Variants in PREX2 observed in about 807,000 individuals in gnomAD.
The protein encoded by PREX2 is phosphatidylinositol-3,4,5-trisphosphate dependent Rac exchange factor 2.
A neutral mutation model predicts 203.2 loss-of-function variants in PREX2; 107 were observed. The ratio of observed to expected loss-of-function variants is 0.53; its 90% CI spans 0.45 to 0.62. PREX2 has a LOEUF of 0.62. Ranked by LOEUF, PREX2 falls within the 20% of genes least tolerant of loss-of-function variation. The pLI, the probability that PREX2 is intolerant of heterozygous loss-of-function variation, is 0.00. For missense variants in PREX2, 1,777 were observed against 1,955.9 expected, an observed-to-expected ratio of 0.91 and a Z score of 1.72; for synonymous variants, 672 against 663.6, an observed-to-expected ratio of 1.01 and a Z score of -0.19.
chr8:68,008,694 A>G (rs1320298713), intron 1 of PREX2, among the ~76,000 whole-genome samples: 1 of 152,158 alleles, frequency 6.6e-6, no homozygotes, highest in African/African-American at 2.4e-5. Flanking sequence ...GTGAGAGGTG[A>G]TAGAATCATG....
chr8:68,050,988 C>T lies in PREX2; in HGVS notation c.944-2109C>T, dbSNP rs142566582. On this transcript the variant is annotated intron_variant, in intron 8 of 39. Transcript: ENST00000288368. ...GTTATTTTGGGAAGAATCTTTAAAG[C>T]GAAGTCTACATGTAGTTTTGACTTG... Among the ~76,000 whole-genome samples the T allele has an allele frequency of 3.4e-3, 519 of 152,170 alleles. 4 individuals are homozygous for T. Among genetic ancestry groups the T allele is most frequent in the African/African-American group, 0.012 (503 of 41,530 alleles).
At chr8:68,046,301 A>G (rs939418445) in intron 8 of PREX2, among the ~76,000 whole-genome samples, 2 of 152,020 alleles carry the variant, frequency 1.3e-5, no homozygotes, top group Admixed American at 1.3e-4. Flanking sequence ...TACTATGATT[A>G]CTGTGCTTTT....
At chr8:68,057,538 G>T (rs1319895545) in intron 10 of PREX2, among the ~76,000 whole-genome samples, 1 of 152,212 alleles carries the variant, frequency 6.6e-6, no homozygotes, top group Non-Finnish European at 1.5e-5. Context: ...ACATCTGCCA[G>T]TGAGCTATAC....
At chr8:68,123,948 C>T (rs2129613185) in intron 30 of PREX2, among the ~76,000 whole-genome samples, 1 of 152,114 alleles carries the variant, frequency 6.6e-6, no homozygotes, top group Admixed American at 6.6e-5. Flanking sequence ...CAAAAACTGG[C>T]AGAGATACAA....
chr8:68,058,055 C>A (rs1256432898), intron 10 of PREX2, among the ~76,000 whole-genome samples: 1 of 152,214 alleles, frequency 6.6e-6, no homozygotes, highest in South Asian at 2.1e-4. Context: ...TAACAGCACA[C>A]TACTGCCGCT....
rs777689905 is a variant in PREX2 at position 68,027,334 on chromosome 8, T to C, written c.543+11T>C. 1.4e-6 allele frequency: 2 copies of C among 1,478,804 alleles called. No individual in the cohort carries two copies. The highest frequency in any genetic ancestry group is 2.3e-5 in the South Asian group (2 of 87,752). The allele number at this position is 1,478,804 out of a possible 1,614,324, so 91.6% of individuals were successfully genotyped here. A position where few individuals can be genotyped will look rare whatever the true frequency, so the allele number is the denominator to read the frequency against. ...CCTCTTATTTTGAAGGTATTTTATGTGCTACCTCATTGTAGCCATTTTCTT... is the reference window on the plus strand; with the variant it reads ...CCTCTTATTTTGAAGGTATTTTATGCGCTACCTCATTGTAGCCATTTTCTT... On this transcript the variant is annotated intron_variant, in intron 5 of 39. Coordinates refer to ENST00000288368, the MANE Select transcript of PREX2 (RefSeq NM_024870.4).
rs567161970 is a variant in PREX2, at chr8:68,004,366, T to C, written c.142-13480T>C. On this transcript the variant is annotated intron_variant, in intron 1 of 39. Transcript: ENST00000288368. ...CTATTTATGATAGAAAAAGTAAGTTTGAATGGTGACCTTCATTATTCTCTC... is the reference window on the plus strand; with the variant it reads ...CTATTTATGATAGAAAAAGTAAGTTCGAATGGTGACCTTCATTATTCTCTC... 1.5e-3 allele frequency among the ~76,000 whole-genome samples: 225 copies of C among 152,360 alleles called. 1 individual carries two copies. The highest frequency in any genetic ancestry group is 5.1e-3 in the African/African-American group (213 of 41,588).
intron 8 of PREX2, among the ~76,000 whole-genome samples, chr8:68,045,570 T>C (rs1808326771): frequency 6.6e-6 from 1 of 152,066 alleles, no homozygotes; most frequent in South Asian, 2.1e-4. Flanking sequence ...CTTAAAATAA[T>C]GAACTGTGAT....
intron 37 of PREX2, among the ~76,000 whole-genome samples, chr8:68,197,731 A>G (rs1812426090): frequency 6.7e-6 from 1 of 148,486 alleles, no homozygotes; most frequent in Non-Finnish European, 1.5e-5. Context: ...TGCTATATAT[A>G]CATAATATAT....
chr8:68,188,252 C>G (rs999302855), intron 35 of PREX2, among the ~76,000 whole-genome samples: 4 of 152,018 alleles, frequency 2.6e-5, no homozygotes, highest in African/African-American at 9.7e-5. Flanking sequence ...TGATCCTGGG[C>G]ACAAAACCAT....
chr8:68,096,720 T>A (rs1411847848), intron 21 of PREX2, among the ~76,000 whole-genome samples: 1 of 152,098 alleles, frequency 6.6e-6, no homozygotes, highest in Admixed American at 6.6e-5. Flanking sequence ...TAAAAAAAAT[T>A]TAGGTATAGT....
At position 68,093,725 on chromosome 8, in the gene PREX2, A is replaced by G. The variant is rs780345893; in HGVS notation, c.2368+3A>G. On this transcript the variant is annotated splice_donor_region_variant and intron_variant, in intron 21 of 39. Transcript: ENST00000288368. ...TGCTTTTGACTGTAAAGTAGAAGGT[A>G]GGTTTCTTATTTTCTTCTTCATGTG... The G allele has an allele frequency of 1.3e-5, 19 of 1,482,850 alleles. No individual in the cohort carries two copies. The Admixed American group carries it at 2.3e-4, about 18-fold the overall frequency. 91.9% of individuals were successfully genotyped at this position (1,482,850 alleles called of 1,614,324 possible).
intron 14 of PREX2, among the ~76,000 whole-genome samples, 161 bp downstream of exon 14, chr8:68,072,731 C>A (rs891300141): frequency 6.6e-6 from 1 of 152,138 alleles, no homozygotes; most frequent in Admixed American, 6.5e-5. Flanking sequence ...CCTAGATGAT[C>A]AATTTTAGAG....
At chr8:68,212,174 C>G (rs1192354699) in intron 37 of PREX2, among the ~76,000 whole-genome samples, 1 of 152,136 alleles carries the variant, frequency 6.6e-6, no homozygotes, top group Non-Finnish European at 1.5e-5. Flanking sequence ...CAGACTGAAC[C>G]AGCATTAACC....
In PREX2 at chr8:67,970,030, G is replaced by T. The variant is rs117276378; in HGVS notation, c.141+17495G>T. On this transcript the variant is annotated intron_variant, in intron 1 of 39. Transcript: ENST00000288368. ...GTACCTTCCATATTTTTTCCTCTTG[G>T]TTGTTTATGCTGTAGTTATAATCTG... Among the ~76,000 whole-genome samples, 17 of 152,100 alleles carry T rather than the reference G, an allele frequency of 1.1e-4. No individual in the cohort carries two copies. In the East Asian group the frequency reaches 3.1e-3, roughly 28 times the overall value.
At chr8:67,972,570 C>G (rs1161612344) in intron 1 of PREX2, among the ~76,000 whole-genome samples, 1 of 152,198 alleles carries the variant, frequency 6.6e-6, no homozygotes. Context: ...AACCATACCT[C>G]TTAGTTCTGT....
At chr8:68,215,574 G>A (rs538854172) in intron 37 of PREX2, among the ~76,000 whole-genome samples, 17 of 151,590 alleles carry the variant, frequency 1.1e-4, no homozygotes, top group East Asian at 1.9e-4. Context: ...TCTCGCTGTC[G>A]CCCAGGCTTG....
chr8:68,027,377 T>C, intron 5 of PREX2, 54 bp downstream of exon 5: 2 of 1,108,556 alleles, frequency 1.8e-6, no homozygotes, highest in Admixed American at 3.6e-5. Flanking sequence ...CATATTTTGC[T>C]GATGATCTTT....
intron 35 of PREX2, 36 bp downstream of exon 35, chr8:68,157,472 T>C: frequency 9.3e-7 from 1 of 1,074,124 alleles, no homozygotes; most frequent in Middle Eastern, 2.0e-4. Context: ...AATGAGTGTC[T>C]ATATTTTGAT....
Sources: allele counts gnomAD v4.1 joint callset (sites outside exome capture counted in the v4.1 genomes callset), GRCh38; gene constraint gnomAD v4.1.1; transcripts MANE v1.5; gene names NCBI Gene and HGNC (gene_info 2026-07-23, HGNC 2026-07-21).